Variants in RAB5A observed in about 807,000 individuals in gnomAD.
RAB5A encodes RAB5A, member RAS oncogene family.
In RAB5A, 8 loss-of-function variants were observed where a neutral mutation model predicts 25.7. The observed-to-expected ratio is 0.31, with a 90% CI of 0.18 to 0.56. The LOEUF (loss-of-function observed/expected upper bound fraction) is 0.56, where lower values mean the gene tolerates loss of function less well. Ranked by LOEUF, RAB5A falls within the 20% of genes least tolerant of loss-of-function variation. The pLI is 0.91. For missense variants in RAB5A, 192 were observed against 259.7 expected (o/e 0.74, Z 1.79); for synonymous variants, 98 against 89.8 (o/e 1.09, Z -0.52).
intron 2 of RAB5A, among the ~76,000 whole-genome samples, chr3:19,956,340 G>A (rs1696501727): frequency 6.6e-6 from 1 of 152,086 alleles, no homozygotes; most frequent in African/African-American, 2.4e-5. Context: ...TATAACCCCA[G>A]CTACTCAGGA....
chr3:19,984,384 A>G lies in RAB5A; in HGVS notation c.*561A>G, dbSNP rs1214984904. 1 of 291,540 alleles carries G rather than the reference A, an allele frequency of 3.4e-6. No individual in the cohort carries two copies. The highest frequency in any genetic ancestry group is 5.0e-5 in the Admixed American group (1 of 20,096). 18.1% of individuals were successfully genotyped at this position (291,540 alleles called of 1,614,324 possible). A position where few individuals can be genotyped will look rare whatever the true frequency, so the allele number is the denominator to read the frequency against. ...TACAAGGTCAGGGGTGGGGAAGAGT[A>G]TTAATGGTATCTTAATTATACCCAG... On this transcript the variant is annotated 3_prime_UTR_variant, in exon 6 of 6. Coordinates refer to ENST00000273047, the MANE Select transcript of RAB5A (RefSeq NM_004162.5).
chr3:19,957,551 T>C (rs970386357), intron 2 of RAB5A, among the ~76,000 whole-genome samples: 4 of 151,040 alleles, frequency 2.6e-5, no homozygotes, highest in African/African-American at 9.7e-5. Context: ...TAATTCCAGC[T>C]ACTCGGGAGG....
In RAB5A at chr3:19,984,173, G is replaced by GAA. The variant is rs34961993; in HGVS notation, c.*358_*359dup. On this transcript the variant is annotated 3_prime_UTR_variant, in exon 6 of 6. Coordinates refer to ENST00000273047, the MANE Select transcript of RAB5A (RefSeq NM_004162.5). ...CCACACTGGTACAGTAGTCACCTGT[G>GAA]AAAAAAAAATTGGAACTTACTAATT... The GAA allele has an allele frequency of 6.8e-3, 2,597 of 384,428 alleles. 5 individuals are homozygous for GAA. The highest frequency in any genetic ancestry group is 0.017 in the African/African-American group (774 of 45,790). 23.8% of individuals were successfully genotyped at this position (384,428 alleles called of 1,614,324 possible). A position where few individuals can be genotyped will look rare whatever the true frequency, so the allele number is the denominator to read the frequency against.
rs1696988724 is a variant in RAB5A, at chr3:19,984,196, AT to A, written c.*376del. On this transcript the variant is annotated 3_prime_UTR_variant, in exon 6 of 6. Coordinates refer to ENST00000273047, the MANE Select transcript of RAB5A (RefSeq NM_004162.5). The stretch of plus-strand genomic sequence containing the variant: ...GTGAAAAAAAAATTGGAACTTACTA[AT>A]TTGGGCTTTTCAAAAACATTCTTTG... 1 of 422,498 alleles carries A rather than the reference AT, an allele frequency of 2.4e-6. No homozygotes were observed. Among genetic ancestry groups the A allele is most frequent in the Non-Finnish European group, 4.6e-6 (1 of 219,118 alleles). 26.2% of individuals were successfully genotyped at this position (422,498 alleles called of 1,614,324 possible).
intron 2 of RAB5A, among the ~76,000 whole-genome samples, chr3:19,967,331 GAC>G (rs1696675609): frequency 6.6e-6 from 1 of 152,078 alleles, no homozygotes; most frequent in Admixed American, 6.6e-5. Flanking sequence ...TTTTAATAGA[GAC>G]AGGGTTTCGT....
intron 2 of RAB5A, among the ~76,000 whole-genome samples, chr3:19,959,914 C>T (rs557215216): frequency 5.3e-5 from 8 of 152,168 alleles, no homozygotes; most frequent in East Asian, 1.9e-4. Context: ...CATGAGCCAC[C>T]GCGCTAGGCT....
At chr3:19,959,625 A>ATTTTTTT (rs63289661) in intron 2 of RAB5A, among the ~76,000 whole-genome samples, 13 of 117,888 alleles carry the variant, frequency 1.1e-4, no homozygotes, top group Non-Finnish European at 1.8e-4. Flanking sequence ...TTGTGTTCTG[A>ATTTTTTT]TTTTTTTTTT....
intron 4 of RAB5A, 108 bp from the exon 5 acceptor site, chr3:19,978,202 C>T (rs548263873): frequency 6.1e-5 from 46 of 754,796 alleles, no homozygotes; most frequent in African/African-American, 6.0e-4. Flanking sequence ...TTATAGGAAT[C>T]AGGTTGTAGT....
chr3:19,981,509 G>A (rs1250942132), intron 5 of RAB5A, among the ~76,000 whole-genome samples: 7 of 152,050 alleles, frequency 4.6e-5, no homozygotes, highest in Non-Finnish European at 4.4e-5. Flanking sequence ...AGCTACTTGG[G>A]AGGCTGAGGC....
Position 19,984,295 on chromosome 3 carries a change from A to G in RAB5A, c.*472A>G, listed in dbSNP as rs996479516. 7.0e-6 allele frequency: 3 copies of G among 428,492 alleles called. No homozygotes were observed. The highest frequency in any genetic ancestry group is 6.3e-5 in the African/African-American group (3 of 47,676). The allele number at this position is 428,492 out of a possible 1,614,324, so 26.5% of individuals were successfully genotyped here. A position where few individuals can be genotyped will look rare whatever the true frequency, so the allele number is the denominator to read the frequency against. ...CAGGCAAATGTTCATTTCTCCTGGTACCTGTATTTAAAATGTACATTCCAC... is the reference window on the plus strand; with the variant it reads ...CAGGCAAATGTTCATTTCTCCTGGTGCCTGTATTTAAAATGTACATTCCAC... On this transcript the variant is annotated 3_prime_UTR_variant, in exon 6 of 6. Transcript: ENST00000273047.
chr3:19,980,903 T>G (rs1696912842), intron 5 of RAB5A, among the ~76,000 whole-genome samples: 1 of 152,134 alleles, frequency 6.6e-6, no homozygotes, highest in Non-Finnish European at 1.5e-5. Flanking sequence ...TAAAAATGAT[T>G]GATGCTGATG....
In RAB5A at chr3:19,984,202, G is replaced by A. The variant is rs1479037406; in HGVS notation, c.*379G>A. 1 of 420,888 alleles carries A rather than the reference G, an allele frequency of 2.4e-6. No homozygotes were observed. Among genetic ancestry groups the A allele is most frequent in the Admixed American group, 3.3e-5 (1 of 30,378 alleles). The allele number at this position is 420,888 out of a possible 1,614,324, so 26.1% of individuals were successfully genotyped here. A position where few individuals can be genotyped will look rare whatever the true frequency, so the allele number is the denominator to read the frequency against. ...AAAAAATTGGAACTTACTAATTTGG[G>A]CTTTTCAAAAACATTCTTTGTTTAG... On this transcript the variant is annotated 3_prime_UTR_variant, in exon 6 of 6. Transcript: ENST00000273047.
chr3:19,960,938 G>A (rs1423870534), intron 2 of RAB5A, among the ~76,000 whole-genome samples: 1 of 152,130 alleles, frequency 6.6e-6, no homozygotes, highest in Non-Finnish European at 1.5e-5. Context: ...ATAATTATCA[G>A]ACACCTTCAG....
At chr3:19,964,452 C>G (rs1029237549) in intron 2 of RAB5A, among the ~76,000 whole-genome samples, 2 of 151,926 alleles carry the variant, frequency 1.3e-5, no homozygotes, top group Admixed American at 6.6e-5. Flanking sequence ...TGGTACGTTC[C>G]TGTTACGTAA....
intron 2 of RAB5A, among the ~76,000 whole-genome samples, chr3:19,964,876 A>G (rs960816718): frequency 2.0e-5 from 3 of 151,844 alleles, no homozygotes; most frequent in Admixed American, 6.6e-5. Context: ...TGCTAGAATT[A>G]CACAGACGGG....
chr3:19,971,268 A>G (rs1229303176), intron 2 of RAB5A, among the ~76,000 whole-genome samples: 1 of 151,204 alleles, frequency 6.6e-6, no homozygotes, highest in Non-Finnish European at 1.5e-5. Context: ...TGAACGTCTT[A>G]GGGTGTATTA....
intron 2 of RAB5A, among the ~76,000 whole-genome samples, chr3:19,964,726 G>C (rs1696636589): frequency 6.6e-6 from 1 of 151,994 alleles, no homozygotes; most frequent in Non-Finnish European, 1.5e-5. Context: ...CGATTCTTGT[G>C]CCTCAGCCTC....
chr3:19,982,498 A>G (rs13085694), intron 5 of RAB5A, among the ~76,000 whole-genome samples: 57,224 of 151,942 alleles, frequency 0.38, 11,388 homozygotes, highest in African/African-American at 0.52. Flanking sequence ...ACTCTTATCT[A>G]TTTCCCCTTT....
chr3:19,970,613 A>G (rs912079259), intron 2 of RAB5A: 2 of 456,690 alleles, frequency 4.4e-6, no homozygotes, highest in Non-Finnish European at 8.8e-6. Context: ...ACCAACTGCT[A>G]GTGCTGGTGA....
Sources: allele counts gnomAD v4.1 joint callset (sites outside exome capture counted in the v4.1 genomes callset), GRCh38; gene constraint gnomAD v4.1.1; transcripts MANE v1.5; gene names NCBI Gene and HGNC (gene_info 2026-07-23, HGNC 2026-07-21).